Variants in TACR3 observed in about 807,000 individuals in gnomAD.
The protein encoded by TACR3 is tachykinin receptor 3.
TACR3 carries 34 observed loss-of-function variants against 35.0 expected under a neutral mutation model. That is an observed-to-expected ratio of 0.97 (90% confidence interval 0.74 to 1.30). TACR3 has a LOEUF of 1.30. Ranked by LOEUF, TACR3 falls within the 50% of genes most tolerant of loss-of-function variation. The probability of loss-of-function intolerance (pLI) is 0.00; values close to 1 mark genes in which losing one functional copy is unlikely to be tolerated. For synonymous variants in TACR3, 233 were observed against 221.1 expected (o/e 1.05, Z -0.48); for missense variants, 558 against 591.7 (o/e 0.94, Z 0.59).
chr4:103,662,787 A>G (rs1267707228), intron 1 of TACR3, among the ~76,000 whole-genome samples: 1 of 152,224 alleles, frequency 6.6e-6, no homozygotes, highest in Non-Finnish European at 1.5e-5. Flanking sequence ...AAAGATTGCC[A>G]GCAAATCACC....
chr4:103,712,260 A>G (rs1722982892), intron 1 of TACR3, among the ~76,000 whole-genome samples: 1 of 151,546 alleles, frequency 6.6e-6, no homozygotes, highest in South Asian at 2.1e-4. Context: ...ACAAGGCTAC[A>G]GTAACCAAAA....
intron 3 of TACR3, among the ~76,000 whole-genome samples, chr4:103,636,763 C>T (rs780259288): frequency 1.1e-3 from 167 of 152,216 alleles, no homozygotes; most frequent in Non-Finnish European, 2.1e-3. Context: ...GATATCATCA[C>T]CAATCCCACA....
intron 3 of TACR3, among the ~76,000 whole-genome samples, chr4:103,629,739 C>T (rs56957217): frequency 0.058 from 8,786 of 151,374 alleles, 866 homozygotes; most frequent in African/African-American, 0.2. Context: ...AGATTCAATG[C>T]CATCCCCATC....
intron 3 of TACR3, among the ~76,000 whole-genome samples, chr4:103,626,410 T>C (rs1252811064): frequency 6.7e-6 from 1 of 149,902 alleles, no homozygotes; most frequent in Non-Finnish European, 1.5e-5. Context: ...GGGCTTTTAT[T>C]ATTATTGTTA....
chr4:103,719,817 C>A lies in TACR3; in HGVS notation c.-142G>T. On this transcript the variant is annotated 5_prime_UTR_variant, in exon 1 of 5. Transcript: ENST00000304883. ...ACTGGAAGCTGAAAGATACTGCAATCCCTGCTGGTTAGGGGATGCAGCTGG... is the reference window on the plus strand; with the variant it reads ...ACTGGAAGCTGAAAGATACTGCAATACCTGCTGGTTAGGGGATGCAGCTGG... 3 of 1,119,536 alleles carry A rather than the reference C, an allele frequency of 2.7e-6. No homozygotes were observed. The highest frequency in any genetic ancestry group is 2.1e-5 in the Admixed American group (1 of 47,756). 69.4% of individuals were successfully genotyped at this position (1,119,536 alleles called of 1,614,324 possible).
intron 1 of TACR3, among the ~76,000 whole-genome samples, chr4:103,676,428 C>A (rs1479042695): frequency 6.6e-6 from 1 of 151,990 alleles, no homozygotes; most frequent in Non-Finnish European, 1.5e-5. Flanking sequence ...CCTAAGTTAT[C>A]CTAACCTATA....
chr4:103,591,426 T>C, intron 4 of TACR3, 61 bp downstream of exon 4: 2 of 1,583,404 alleles, frequency 1.3e-6, no homozygotes, highest in Non-Finnish European at 8.7e-7. Context: ...GGAACAACAT[T>C]GTATGTTTCC....
intron 3 of TACR3, among the ~76,000 whole-genome samples, chr4:103,633,680 A>G (rs1046186265): frequency 1.3e-5 from 2 of 152,048 alleles, no homozygotes; most frequent in Non-Finnish European, 2.9e-5. Flanking sequence ...CCATTCCTGA[A>G]TTATTTCACT....
At chr4:103,637,657 T>G (rs1725224563) in intron 3 of TACR3, among the ~76,000 whole-genome samples, 2 of 152,222 alleles carry the variant, frequency 1.3e-5, no homozygotes, top group Admixed American at 6.5e-5. Flanking sequence ...TTGTCCCTGT[T>G]TGCAGATGAC....
chr4:103,653,212 C>T (rs1725662655), intron 3 of TACR3, among the ~76,000 whole-genome samples: 1 of 152,030 alleles, frequency 6.6e-6, no homozygotes, highest in South Asian at 2.1e-4. Flanking sequence ...AGAAGGGTCA[C>T]ACTCCCAGTC....
chr4:103,675,529 A>T (rs1726149568), intron 1 of TACR3, among the ~76,000 whole-genome samples: 1 of 152,228 alleles, frequency 6.6e-6, no homozygotes, highest in Admixed American at 6.5e-5. Flanking sequence ...AAGGAAATTG[A>T]TGTAGAATGA....
intron 3 of TACR3, among the ~76,000 whole-genome samples, chr4:103,596,911 T>TC (rs1254390632): frequency 6.6e-6 from 1 of 151,894 alleles, no homozygotes; most frequent in Non-Finnish European, 1.5e-5. Context: ...TTCATCCATG[T>TC]CCCTACAAAG....
chr4:103,684,479 T>C (rs1680788486), intron 1 of TACR3, among the ~76,000 whole-genome samples: 1 of 152,010 alleles, frequency 6.6e-6, no homozygotes, highest in African/African-American at 2.4e-5. Flanking sequence ...AAAAATAAAA[T>C]AGGCATGTAG....
At chr4:103,684,421 T>C (rs1340490894) in intron 1 of TACR3, among the ~76,000 whole-genome samples, 1 of 152,062 alleles carries the variant, frequency 6.6e-6, no homozygotes, top group Admixed American at 6.6e-5. Flanking sequence ...TTATCAGCAA[T>C]GAACAATTTG....
chr4:103,719,171 C>T lies in TACR3; in HGVS notation c.505G>A (p.Val169Met), dbSNP rs1723153753. 1 of 1,614,194 alleles carries T rather than the reference C, an allele frequency of 6.2e-7. No individual in the cohort carries two copies. The highest frequency in any genetic ancestry group is 8.5e-7 in the Non-Finnish European group (1 of 1,180,044). Residue 169 changes from valine to methionine, a missense_variant, in exon 1 of 5, where the codon GTG becomes ATG. Val to Met is a conservative substitution (Grantham distance 21, BLOSUM62 1). Transcript: ENST00000304883. ...RFQNFFPITA[V>M]FASIYSMTAI... ...GTCATGGAGTAGATGCTGGCGAACACAGCTGTGATAGGAAAGAAGTTCTGG... is the reference window on the plus strand; with the variant it reads ...GTCATGGAGTAGATGCTGGCGAACATAGCTGTGATAGGAAAGAAGTTCTGG...
intron 4 of TACR3, among the ~76,000 whole-genome samples, chr4:103,590,834 C>CT (rs948698634): frequency 3.3e-5 from 5 of 151,938 alleles, no homozygotes; most frequent in Admixed American, 6.6e-5. Flanking sequence ...CAGATTTTAT[C>CT]TTTTTTTTCT....
chr4:103,591,171 C>T (rs1386914391), intron 4 of TACR3: 3 of 379,674 alleles, frequency 7.9e-6, no homozygotes, highest in Non-Finnish European at 1.5e-5. Context: ...TTTCAATTCT[C>T]CTTTAATCAT....
intron 3 of TACR3, among the ~76,000 whole-genome samples, chr4:103,605,457 G>C (rs1724332258): frequency 8.5e-6 from 1 of 117,134 alleles, no homozygotes; most frequent in Non-Finnish European, 2.0e-5. Flanking sequence ...GTGTAAAACT[G>C]TTCCTATTTC....
intron 3 of TACR3, among the ~76,000 whole-genome samples, chr4:103,632,967 C>T (rs1725100065): frequency 6.6e-6 from 1 of 151,976 alleles, no homozygotes; most frequent in Non-Finnish European, 1.5e-5. Flanking sequence ...TTAAAACTTA[C>T]ATAGTGAGTA....
Sources: allele counts gnomAD v4.1 joint callset (sites outside exome capture counted in the v4.1 genomes callset), GRCh38; gene constraint gnomAD v4.1.1; transcripts MANE v1.5; gene names NCBI Gene and HGNC (gene_info 2026-07-23, HGNC 2026-07-21).